The following ATP10A variants were observed in gnomAD, a reference collection of about 807,000 sequenced individuals.
ATP10A encodes the protein ATPase phospholipid transporting 10A (putative), also known as phospholipid-transporting ATPase VA.
Under a neutral mutation model 147.8 loss-of-function variants are expected in ATP10A, and 111 were observed. That is an observed-to-expected ratio of 0.75 (90% CI 0.64 to 0.88). The LOEUF is 0.88. ATP10A is among the 40% of genes least tolerant of loss of function. ATP10A has a pLI of 0.00. For missense variants in ATP10A, 1,927 were observed against 1,959.0 expected, an observed-to-expected ratio of 0.98 and a Z score of 0.31; for synonymous variants, 875 against 841.6, an observed-to-expected ratio of 1.04 and a Z score of -0.69.
intron 1 of ATP10A, among the ~76,000 whole-genome samples, chr15:25,784,948 G>A (rs1156607888): frequency 6.6e-6 from 1 of 151,546 alleles, no homozygotes; most frequent in Non-Finnish European, 1.5e-5. Context: ...AAAAGAAAAG[G>A]CCCTGCAGTC....
chr15:25,738,782 G>T (rs4906631), intron 2 of ATP10A, among the ~76,000 whole-genome samples: 109,270 of 152,114 alleles, frequency 0.72, 41,334 homozygotes, highest in Non-Finnish European at 0.86. Context: ...TTACAAGTTT[G>T]GGGAGGCTTG....
chr15:25,708,915 T>C (rs1901218490), intron 10 of ATP10A: 1 of 153,246 alleles, frequency 6.5e-6, no homozygotes, highest in South Asian at 2.1e-4. Flanking sequence ...ATTCTATATA[T>C]ACAGTTTGTG....
At chr15:25,702,592 G>C (rs1395997287) in intron 12 of ATP10A, among the ~76,000 whole-genome samples, 1 of 152,150 alleles carries the variant, frequency 6.6e-6, no homozygotes, top group African/African-American at 2.4e-5. Context: ...TATAGAAACA[G>C]ACTTCACAGG....
At chr15:25,725,839 A>G in intron 5 of ATP10A, 112 bp downstream of exon 5, 2 of 1,288,880 alleles carry the variant, frequency 1.6e-6, no homozygotes, top group Non-Finnish European at 2.1e-6. Context: ...GCTGGTCACC[A>G]ACTCCTGACC....
At chr15:25,821,977 G>A (rs563044398) in intron 1 of ATP10A, among the ~76,000 whole-genome samples, 13 of 152,252 alleles carry the variant, frequency 8.5e-5, no homozygotes, top group African/African-American at 2.6e-4. Flanking sequence ...GGTTCTAGGA[G>A]TCCCCCATAC....
intron 8 of ATP10A, among the ~76,000 whole-genome samples, chr15:25,717,518 T>C (rs1160405488): frequency 6.6e-6 from 1 of 152,186 alleles, no homozygotes; most frequent in Non-Finnish European, 1.5e-5. Context: ...GCCTCCCTCC[T>C]GCCAAGCGTG....
At chr15:25,680,435 C>G in intron 19 of ATP10A, 127 bp from the exon 20 acceptor site, 3 of 1,029,382 alleles carry the variant, frequency 2.9e-6, no homozygotes, top group Non-Finnish European at 4.2e-6. Flanking sequence ...ACACTGCGGT[C>G]TATGACGCGG....
At chr15:25,749,131 C>T (rs754127808) in intron 2 of ATP10A, among the ~76,000 whole-genome samples, 26 of 149,550 alleles carry the variant, frequency 1.7e-4, no homozygotes, top group Non-Finnish European at 2.7e-4. Flanking sequence ...AGATCACCTA[C>T]TATGTCTCTA....
chr15:25,841,221 C>T (rs1459707880), intron 1 of ATP10A, among the ~76,000 whole-genome samples: 1 of 149,292 alleles, frequency 6.7e-6, no homozygotes, highest in African/African-American at 2.4e-5. Flanking sequence ...TATCGTTTTA[C>T]ATTTAAATCT....
intron 1 of ATP10A, among the ~76,000 whole-genome samples, chr15:25,806,432 C>G (rs1455327610): frequency 6.6e-6 from 1 of 152,094 alleles, no homozygotes; most frequent in Non-Finnish European, 1.5e-5. Context: ...CCTGCCTCAG[C>G]CTCCCGAATA....
intron 18 of ATP10A, 34 bp from the exon 19 acceptor site, chr15:25,680,948 C>T (rs1899374518): frequency 6.2e-7 from 1 of 1,613,218 alleles, no homozygotes; most frequent in African/African-American, 1.3e-5. Flanking sequence ...TCTGTAGGTC[C>T]CCGGATCCAG....
At chr15:25,832,429 G>C (rs899215715) in intron 1 of ATP10A, among the ~76,000 whole-genome samples, 7 of 152,194 alleles carry the variant, frequency 4.6e-5, no homozygotes, top group Non-Finnish European at 1.0e-4. Flanking sequence ...TGCCGGGCAA[G>C]GCAAAGTCAT....
At chr15:25,787,897 G>C (rs971865478) in intron 1 of ATP10A, among the ~76,000 whole-genome samples, 12 of 152,106 alleles carry the variant, frequency 7.9e-5, no homozygotes, top group Admixed American at 5.9e-4. Context: ...ACCTGCAGTT[G>C]GGACCATCTG....
intron 5 of ATP10A, 143 bp downstream of exon 5, chr15:25,725,807 TG>T: frequency 3.0e-6 from 3 of 996,734 alleles, no homozygotes; most frequent in African/African-American, 1.6e-5. Flanking sequence ...TTAGTAGAGA[TG>T]GGATTTCACC....
Position 25,721,662 on chromosome 15 carries a change from G to C in ATP10A, c.1358C>G (p.Ala453Gly). 1 of 1,611,608 alleles carries C rather than the reference G, an allele frequency of 6.2e-7. No individual in the cohort carries two copies. The highest frequency in any genetic ancestry group is 2.2e-5 in the East Asian group (1 of 44,796). The change falls in exon 7 of 21, where the codon GCA (alanine) becomes GGA (glycine). Residue 453 changes from alanine to glycine, a missense_variant. Coordinates refer to ENST00000555815, the MANE Select transcript of ATP10A (RefSeq NM_024490.4). ...TVSGVEYSHD[A>G]NAQRLARYQE... ...CCCCGCACCCCCAGACTCACCATTTGCATCATGAGAATATTCTACACCAGA... is the reference window on the plus strand; with the variant it reads ...CCCCGCACCCCCAGACTCACCATTTCCATCATGAGAATATTCTACACCAGA...
At position 25,797,785 on chromosome 15, in the gene ATP10A, G is replaced by A. The variant is rs1890747933; in HGVS notation, c.450-16562C>T. Among the ~76,000 whole-genome samples the A allele has an allele frequency of 2.0e-5, 3 of 152,080 alleles. No homozygotes were observed. The South Asian group carries it at 6.2e-4, about 32-fold the overall frequency. On this transcript the variant is annotated intron_variant, in intron 1 of 20. Transcript: ENST00000555815. ...CCAGGAGACTGCCGCCCTGGGGGGT[G>A]AGGGTGGGGAGAGAGACCTTCAGCT...
chr15:25,687,207 ACACT>A (rs1899737723), intron 16 of ATP10A, among the ~76,000 whole-genome samples: 2 of 149,018 alleles, frequency 1.3e-5, no homozygotes, highest in African/African-American at 2.5e-5. Flanking sequence ...ACCACAAAGC[ACACT>A]TGTGCTTATC....
chr15:25,768,437 C>T (rs1003124895), intron 2 of ATP10A, among the ~76,000 whole-genome samples: 2 of 152,126 alleles, frequency 1.3e-5, no homozygotes, highest in Non-Finnish European at 2.9e-5. Flanking sequence ...CCTGGACTCC[C>T]ATCCTGTCCA....
chr15:25,735,936 A>T (rs892444806), intron 3 of ATP10A, 120 bp downstream of exon 3: 1 of 933,114 alleles, frequency 1.1e-6, no homozygotes, highest in East Asian at 2.6e-5. Context: ...CACATTCCCA[A>T]ACAGCTACAC....
Sources: gnomAD v4.1 joint callset for allele counts (sites outside exome capture counted in the v4.1 genomes callset) on GRCh38, gnomAD v4.1.1 for gene constraint, MANE v1.5 for transcripts, NCBI Gene and HGNC (gene_info 2026-07-23, HGNC 2026-07-21) for gene names.